Variants in PAPSS2 observed in about 807,000 individuals in gnomAD.
The protein encoded by PAPSS2 is 3'-phosphoadenosine 5'-phosphosulfate synthase 2.
PAPSS2 carries 61 observed loss-of-function variants against 66.5 expected under a neutral mutation model. That is an observed-to-expected ratio of 0.92 (90% CI 0.75 to 1.14). PAPSS2 has a LOEUF of 1.14. Ranked by LOEUF, PAPSS2 falls within the 50% of genes most tolerant of loss-of-function variation. The probability of loss-of-function intolerance (pLI) is 0.00; values close to 1 mark genes in which losing one functional copy is unlikely to be tolerated. For missense variants in PAPSS2, 708 were observed against 789.6 expected (o/e 0.90, Z 1.24); for synonymous variants, 289 against 287.5 (o/e 1.01, Z -0.05).
chr10:87,661,059 T>C, intron 1 of PAPSS2: 1 of 455,410 alleles, frequency 2.2e-6, no homozygotes, highest in Non-Finnish European at 4.4e-6. Flanking sequence ...ACATAGTAGG[T>C]GCCTGATAAA....
chr10:87,687,223 T>C (rs905698959), intron 1 of PAPSS2, among the ~76,000 whole-genome samples: 3 of 152,154 alleles, frequency 2.0e-5, no homozygotes, highest in Admixed American at 6.5e-5. Context: ...GTACAATCTT[T>C]GGCATATAGT....
intron 8 of PAPSS2, among the ~76,000 whole-genome samples, chr10:87,726,681 A>G (rs1176161966): frequency 5.3e-5 from 8 of 152,232 alleles, no homozygotes; most frequent in African/African-American, 1.7e-4. Context: ...ATTGTGGCTG[A>G]TTAGTATTAA....
rs766068077 is a variant in PAPSS2 at position 87,721,740 on chromosome 10, G to A, written c.866-16G>A. On this transcript the variant is annotated splice_polypyrimidine_tract_variant and intron_variant, in intron 7 of 12. Coordinates refer to ENST00000456849, the MANE Select transcript of PAPSS2 (RefSeq NM_001015880.2). ...AGAGCTGAAAATGTTTCTTAATTGT[G>A]TTTATATTTCCCTAGGCATGGCCCT... The A allele has an allele frequency of 1.9e-4, 288 of 1,528,928 alleles. 3 individuals carry two copies. The East Asian group carries it at 5.8e-3, about 31-fold the overall frequency. The allele number at this position is 1,528,928 out of a possible 1,614,324, so 94.7% of individuals were successfully genotyped here.
At chr10:87,738,407 G>A (rs1312306583) in intron 9 of PAPSS2, among the ~76,000 whole-genome samples, 3 of 78,810 alleles carry the variant, frequency 3.8e-5, no homozygotes, top group Non-Finnish European at 9.7e-5. Context: ...TTTCTTTTCT[G>A]TGTGTGTGTA....
intron 1 of PAPSS2, among the ~76,000 whole-genome samples, chr10:87,675,270 T>C (rs569488212): frequency 7.9e-5 from 12 of 152,372 alleles, no homozygotes; most frequent in African/African-American, 2.9e-4. Context: ...TCTTGGTTTA[T>C]ACCATATCAA....
At chr10:87,702,310 C>T (rs563823886) in intron 1 of PAPSS2, among the ~76,000 whole-genome samples, 1 of 152,346 alleles carries the variant, frequency 6.6e-6, no homozygotes, top group South Asian at 2.1e-4. Context: ...CCTGTGTCTT[C>T]TGGCTGTGGG....
At chr10:87,716,748 C>T (rs141316996) in intron 7 of PAPSS2, among the ~76,000 whole-genome samples, 414 of 152,284 alleles carry the variant, frequency 2.7e-3, no homozygotes, top group African/African-American at 7.6e-3. Flanking sequence ...TTCCCTTATT[C>T]TTTTGCTGTG....
chr10:87,715,981 C>A (rs1012970238), intron 7 of PAPSS2, 138 bp downstream of exon 7: 3 of 703,892 alleles, frequency 4.3e-6, no homozygotes, highest in Admixed American at 4.1e-5. Context: ...TTACAGTGTG[C>A]TCCATTCTAT....
chr10:87,701,199 C>T (rs1853299370), intron 1 of PAPSS2, among the ~76,000 whole-genome samples: 1 of 151,156 alleles, frequency 6.6e-6, no homozygotes. Flanking sequence ...AAAAAAGAAG[C>T]ACCAAAATAT....
Position 87,743,643 on chromosome 10 carries a change from T to C in PAPSS2, c.1491+2T>C. 6.2e-7 allele frequency: 1 copy of C among 1,614,082 alleles called. No individual in the cohort carries two copies. Among genetic ancestry groups the C allele is most frequent in the Non-Finnish European group, 8.5e-7 (1 of 1,179,972 alleles). On this transcript the variant is annotated splice_donor_variant, in intron 11 of 12. Coordinates refer to ENST00000456849, the MANE Select transcript of PAPSS2 (RefSeq NM_001015880.2). LOFTEE classifies it high-confidence loss of function. ...ATGTTATATGCTGGCCCCACAGAGG[T>C]GAGCAATTCCCAGAGCTGGGCTTTG...
chr10:87,673,550 G>C (rs1015727477), intron 1 of PAPSS2, among the ~76,000 whole-genome samples: 2 of 146,204 alleles, frequency 1.4e-5, no homozygotes, highest in Non-Finnish European at 3.0e-5. Flanking sequence ...TTTCTTAGCT[G>C]TGTGTGTGTT....
At chr10:87,715,231 T>C in intron 6 of PAPSS2, 133 bp downstream of exon 6, 1 of 683,592 alleles carries the variant, frequency 1.5e-6, no homozygotes, top group Non-Finnish European at 2.6e-6. Flanking sequence ...CTCCTTTTTT[T>C]CCAAGTTATT....
In PAPSS2 at chr10:87,724,849, T is replaced by TACACACACACACACACACACACACAC. The variant is rs1468115844; in HGVS notation, c.881-2434_881-2433insCACACACACACACACACACACACACA. On this transcript the variant is annotated intron_variant, in intron 8 of 12. Coordinates refer to ENST00000456849, the MANE Select transcript of PAPSS2 (RefSeq NM_001015880.2). The stretch of plus-strand genomic sequence containing the variant: ...TATAGGTATACAATAAATCTCTGTC[T>TACACACACACACACACACACACACAC]ATACACACACACACACACACACATA... Among the ~76,000 whole-genome samples the TACACACACACACACACACACACACAC allele has an allele frequency of 6.1e-3, 318 of 52,072 alleles. 1 individual carries two copies. The highest frequency in any genetic ancestry group is 7.8e-3 in the Non-Finnish European group (239 of 30,546). The allele number at this position is 52,072 out of a possible 152,430, so 34.2% of individuals were successfully genotyped here.
chr10:87,708,700 A>T (rs1208678620), intron 1 of PAPSS2, among the ~76,000 whole-genome samples: 1 of 152,252 alleles, frequency 6.6e-6, no homozygotes, highest in Admixed American at 6.5e-5. Context: ...TCAAAGGACC[A>T]TGATGAGTAT....
intron 9 of PAPSS2, among the ~76,000 whole-genome samples, chr10:87,732,800 A>G (rs1853745572): frequency 6.6e-6 from 1 of 152,164 alleles, no homozygotes; most frequent in African/African-American, 2.4e-5. Flanking sequence ...GCCAAGGAGA[A>G]TGGTGGCATG....
intron 1 of PAPSS2, among the ~76,000 whole-genome samples, chr10:87,674,054 C>T (rs1266537315): frequency 2.0e-5 from 3 of 152,080 alleles, no homozygotes; most frequent in Non-Finnish European, 4.4e-5. Flanking sequence ...TAATGTTCTA[C>T]CCTTCCTGCA....
intron 1 of PAPSS2, among the ~76,000 whole-genome samples, chr10:87,673,147 G>A (rs1030239912): frequency 1.3e-5 from 2 of 152,360 alleles, no homozygotes; most frequent in African/African-American, 2.4e-5. Flanking sequence ...TGAATTCAGA[G>A]AGCTGAGTAC....
chr10:87,742,686 C>T lies in PAPSS2; in HGVS notation c.1223-687C>T, dbSNP rs1179838567. Among the ~76,000 whole-genome samples, 4 of 152,192 alleles carry T rather than the reference C, an allele frequency of 2.6e-5. No individual in the cohort carries two copies. In the East Asian group the frequency reaches 7.7e-4, roughly 29 times the overall value. ...TTTTTTTATATCTTTAGATTGTTGC[C>T]CCTTGCACAGGCCCCAGAAAACATT... is the stretch of plus-strand genomic sequence containing the variant. On this transcript the variant is annotated intron_variant, in intron 10 of 12. Coordinates refer to ENST00000456849, the MANE Select transcript of PAPSS2 (RefSeq NM_001015880.2).
chr10:87,682,761 A>G (rs1853037560), intron 1 of PAPSS2, among the ~76,000 whole-genome samples: 1 of 152,164 alleles, frequency 6.6e-6, no homozygotes, highest in African/African-American at 2.4e-5. Context: ...ATCCCTTCCT[A>G]CATAGATAGA....
Sources: gnomAD v4.1 joint callset for allele counts (sites outside exome capture counted in the v4.1 genomes callset) on GRCh38, gnomAD v4.1.1 for gene constraint, MANE v1.5 for transcripts, NCBI Gene and HGNC (gene_info 2026-07-23, HGNC 2026-07-21) for gene names.